WDR64: variants seen among roughly 807,000 people sequenced by gnomAD.
WDR64 encodes WD repeat-containing protein 64.
Under a neutral mutation model 139.3 loss-of-function variants are expected in WDR64, and 112 were observed. The observed-to-expected ratio is 0.80, with a 90% CI of 0.69 to 0.94. The LOEUF (loss-of-function observed/expected upper bound fraction) is 0.94, where lower values mean the gene tolerates loss of function less well. WDR64 is among the 40% of genes least tolerant of loss of function. The pLI is 0.00. For missense variants in WDR64, 1,206 were observed against 1,293.1 expected (o/e 0.93, Z 1.03); for synonymous variants, 444 against 437.7 (o/e 1.01, Z -0.18).
At position 241,708,712 on chromosome 1, in the gene WDR64, GT is replaced by G. The variant is rs1242904479; in HGVS notation, c.975-3079del. ...CCATGGTTTTTTTTTTTGTTTTTTT[GT>G]TTTTTTTTTTAAGGATTGGGTTTCA... On this transcript the variant is annotated intron_variant, in intron 8 of 27. Coordinates refer to ENST00000437684, the MANE Select transcript of WDR64 (RefSeq NM_001367482.1). 1.6e-4 allele frequency among the ~76,000 whole-genome samples: 7 copies of G among 43,842 alleles called. 1 individual carries two copies. In the East Asian group the frequency reaches 1.7e-3, roughly 10 times the overall value. 28.8% of individuals were successfully genotyped at this position (43,842 alleles called of 152,430 possible). A position where few individuals can be genotyped will look rare whatever the true frequency, so the allele number is the denominator to read the frequency against.
intron 2 of WDR64, among the ~76,000 whole-genome samples, chr1:241,668,982 C>T (rs957912412): frequency 4.1e-4 from 63 of 151,880 alleles, no homozygotes; most frequent in African/African-American, 1.4e-3. Flanking sequence ...TTATTTTTCT[C>T]TCCCATGAGG....
intron 10 of WDR64, among the ~76,000 whole-genome samples, chr1:241,734,354 G>A (rs1669211669): frequency 6.6e-6 from 1 of 152,182 alleles, no homozygotes; most frequent in South Asian, 2.1e-4. Context: ...TATGTCATGG[G>A]CGTGTGTCCT....
chr1:241,790,437 G>C (rs1261669230), intron 24 of WDR64, among the ~76,000 whole-genome samples, 154 bp from the exon 25 acceptor site: 1 of 152,144 alleles, frequency 6.6e-6, no homozygotes. Flanking sequence ...GAAACCAACT[G>C]GTATAAGAGT....
At chr1:241,768,867 C>T (rs1177916222) in intron 16 of WDR64, among the ~76,000 whole-genome samples, 1 of 152,200 alleles carries the variant, frequency 6.6e-6, no homozygotes, top group Non-Finnish European at 1.5e-5. Context: ...CCTCACTGGA[C>T]TACCTGTTCT....
At chr1:241,731,439 G>A (rs1427764559) in intron 10 of WDR64, among the ~76,000 whole-genome samples, 3 of 151,740 alleles carry the variant, frequency 2.0e-5, no homozygotes, top group African/African-American at 4.9e-5. Flanking sequence ...CGTTCATAAC[G>A]ACCCTATGAG....
At position 241,656,821 on chromosome 1, in the gene WDR64, C is replaced by T. The variant is rs945763207; in HGVS notation, c.146-3709C>T. ...CTACTCACTAGATGCCAGTAGCACA[C>T]CTACTCCTAGTTGTGACAGTCAAAA... On this transcript the variant is annotated intron_variant, in intron 1 of 27. Transcript: ENST00000437684. This position sits in a 1 kb window ranked among gnomAD's most constrained non-coding sequence, Gnocchi z 4.3. 6.6e-6 allele frequency among the ~76,000 whole-genome samples: 1 copy of T among 151,828 alleles called. No homozygotes were observed.
At chr1:241,740,423 A>G (rs1369883707) in intron 11 of WDR64, among the ~76,000 whole-genome samples, 1 of 152,200 alleles carries the variant, frequency 6.6e-6, no homozygotes, top group African/African-American at 2.4e-5. Flanking sequence ...AAATACAACC[A>G]GATGAGCCAT....
chr1:241,670,607 C>T (rs1232450138), intron 2 of WDR64, among the ~76,000 whole-genome samples: 2 of 152,120 alleles, frequency 1.3e-5, no homozygotes, highest in Non-Finnish European at 2.9e-5. Context: ...GGTCCTCAAC[C>T]CCACCAGTCC....
At chr1:241,752,102 T>C (rs1177323606) in intron 14 of WDR64, among the ~76,000 whole-genome samples, 3 of 152,328 alleles carry the variant, frequency 2.0e-5, no homozygotes, top group South Asian at 2.1e-4. Flanking sequence ...AATCTACTCA[T>C]ATAGCTGTAT....
chr1:241,714,469 AG>A lies in WDR64; in HGVS notation c.1054+2590del, dbSNP rs561003652. ...TTTCTCACTCTCAAACATACACAGC[AG>A]GCGGTTTGGTTTCCTATCTAAAGTG... On this transcript the variant is annotated intron_variant, in intron 9 of 27. Transcript: ENST00000437684. Among the ~76,000 whole-genome samples, 9 of 152,278 alleles carry A rather than the reference AG, an allele frequency of 5.9e-5. No homozygotes were observed. The South Asian group carries it at 1.9e-3, about 32-fold the overall frequency.
intron 5 of WDR64, 85 bp from the exon 6 acceptor site, chr1:241,679,400 G>T: frequency 1.7e-6 from 2 of 1,196,590 alleles, no homozygotes; most frequent in South Asian, 2.7e-5. Context: ...GGAGCTTTTA[G>T]TGTGACTAAC....
Position 241,772,889 on chromosome 1 carries a change from C to T in WDR64, c.2388C>T (p.Val796=). 6.4e-7 allele frequency: 1 copy of T among 1,551,948 alleles called. No homozygotes were observed. Among genetic ancestry groups the T allele is most frequent in the South Asian group, 1.2e-5 (1 of 84,058 alleles). The change falls in exon 20 of 28, where the codon GTC becomes GTT. Residue 796 remains valine, a synonymous_variant. Coordinates refer to ENST00000437684, the MANE Select transcript of WDR64 (RefSeq NM_001367482.1). ...NLPEAQPPIL[V]TAHEDGHLRL... is the part of the protein sequence containing the mutation. ...CAGAAGCCCAGCCACCTATCCTTGT[C>T]ACTGCTCATGAGGATGGACACCTCC...
At position 241,711,870 on chromosome 1, in the gene WDR64, T is replaced by C. The variant is rs900582344; in HGVS notation, c.1043T>C (p.Ile348Thr). 1 of 1,614,176 alleles carries C rather than the reference T, an allele frequency of 6.2e-7. No homozygotes were observed. The highest frequency in any genetic ancestry group is 8.5e-7 in the Non-Finnish European group (1 of 1,180,038). Residue 348 changes from isoleucine (I) to threonine (T), a missense_variant, in exon 9 of 28, where the codon ATT becomes ACT. Physicochemically the swap from Ile to Thr is moderately conservative, Grantham distance 89. Coordinates refer to ENST00000437684, the MANE Select transcript of WDR64 (RefSeq NM_001367482.1). ...TGCTACTGTGTTAAGGCAAATGTGATTGTCACTGGAGGTGAGAGGGCGGTT... is the reference window on the plus strand; with the variant it reads ...TGCTACTGTGTTAAGGCAAATGTGACTGTCACTGGAGGTGAGAGGGCGGTT... ...TFCYCVKANV[I>T]VTGGDDKVIR...
chr1:241,657,603 T>C (rs967264986), intron 1 of WDR64, among the ~76,000 whole-genome samples: 1 of 152,104 alleles, frequency 6.6e-6, no homozygotes, highest in African/African-American at 2.4e-5. Flanking sequence ...TGGCTGACCC[T>C]TTTTTTGCTC....
At chr1:241,786,197 T>C (rs1233386456) in intron 23 of WDR64, among the ~76,000 whole-genome samples, 1 of 152,158 alleles carries the variant, frequency 6.6e-6, no homozygotes, top group African/African-American at 2.4e-5. Flanking sequence ...GTGGGAGAAG[T>C]CCCAAATAGA....
At chr1:241,760,337 AT>A (rs987943428) in intron 15 of WDR64, among the ~76,000 whole-genome samples, 5 of 150,896 alleles carry the variant, frequency 3.3e-5, no homozygotes, top group African/African-American at 1.2e-4. Flanking sequence ...AGCCATATAT[AT>A]ATATATATTT....
At chr1:241,786,592 G>T (rs895051621) in intron 23 of WDR64, among the ~76,000 whole-genome samples, 3 of 152,134 alleles carry the variant, frequency 2.0e-5, no homozygotes, top group East Asian at 1.9e-4. Context: ...AATTAGCAGG[G>T]TATTTGCACA....
intron 10 of WDR64, among the ~76,000 whole-genome samples, chr1:241,723,979 A>C (rs116410353): frequency 2.0e-5 from 3 of 151,972 alleles, no homozygotes; most frequent in Admixed American, 6.6e-5. Flanking sequence ...AAAATAAATA[A>C]GGAAATAAAT....
intron 2 of WDR64, among the ~76,000 whole-genome samples, chr1:241,669,296 C>A (rs187378561): frequency 1.3e-3 from 194 of 152,192 alleles, no homozygotes; most frequent in Non-Finnish European, 2.3e-3. Context: ...TGCCATGAAG[C>A]GGTATTGTGG....
Sources: allele counts gnomAD v4.1 joint callset (sites outside exome capture counted in the v4.1 genomes callset), GRCh38; gene constraint gnomAD v4.1.1; non-coding constraint Gnocchi (gnomAD v3.1); transcripts MANE v1.5; gene names NCBI Gene and HGNC (gene_info 2026-07-23, HGNC 2026-07-21).